The following THBD variants were observed in gnomAD, a reference collection of about 807,000 sequenced individuals.
THBD encodes thrombomodulin.
For missense variants in THBD, 850 were observed against 816.9 expected, an observed-to-expected ratio of 1.04 and a Z score of -0.49; for synonymous variants, 449 against 374.2, an observed-to-expected ratio of 1.20 and a Z score of -2.31.
At position 23,048,694 on chromosome 20, in the gene THBD, C is replaced by T. The variant is rs1198926505; in HGVS notation, c.811G>A (p.Ala271Thr). ...GAGCGCCCGTCTGCCTGCAGGGCGG[C>T]GCCGGCTGGGCACTGGCAGCGGGGA... is the stretch of plus-strand genomic sequence containing the variant. ...GAPRCQCPAGAALQADGRSCT... is the reference protein window; with the variant it reads ...GAPRCQCPAGTALQADGRSCT... Residue 271 changes from alanine to threonine, a missense_variant, in exon 1 of 1, where the codon GCC (alanine) becomes ACC (threonine). Physicochemically the swap from Ala to Thr is moderately conservative, Grantham distance 58 (BLOSUM62 0). Transcript: ENST00000377103. 4 of 1,584,656 alleles carry T rather than the reference C, an allele frequency of 2.5e-6. No homozygotes were observed. Among genetic ancestry groups the T allele is most frequent in the South Asian group, 1.1e-5 (1 of 89,404 alleles).
Position 23,048,435 on chromosome 20 carries a change from A to G in THBD, c.1070T>C (p.Leu357Pro), listed in dbSNP as rs1450464240. The G allele has an allele frequency of 6.2e-7, 1 of 1,613,824 alleles. No homozygotes were observed. The highest frequency in any genetic ancestry group is 1.1e-5 in the South Asian group (1 of 91,076). Residue 357 changes from leucine to proline, a missense_variant, in exon 1 of 1, where the codon CTG (leucine) becomes CCG (proline). Leu to Pro is a moderately conservative substitution (Grantham distance 98). Coordinates refer to ENST00000377103, the MANE Select transcript of THBD (RefSeq NM_000361.3). ...GGGCTCCACACACTCGCCGTCCACCAGGTCGTAGTTAGGGTAGCAGTGGCA... is the reference window on the plus strand; with the variant it reads ...GGGCTCCACACACTCGCCGTCCACCGGGTCGTAGTTAGGGTAGCAGTGGCA... ...FECHCYPNYD[L>P]VDGECVEPVD...
In THBD at chr20:23,047,739, G is replaced by GA; in HGVS notation, c.*37_*38insT. ...GCAAAGCTGGGGGTGAGGAGGCACAGGCTCCTGGACGGAGCCAGGCTCCTG... is the reference window on the plus strand; with the variant it reads ...GCAAAGCTGGGGGTGAGGAGGCACAGAGCTCCTGGACGGAGCCAGGCTCCTG... On this transcript the variant is annotated 3_prime_UTR_variant, in exon 1 of 1. Coordinates refer to ENST00000377103, the MANE Select transcript of THBD (RefSeq NM_000361.3). 6.5e-7 allele frequency: 1 copy of GA among 1,530,236 alleles called. No homozygotes were observed. Among genetic ancestry groups the GA allele is most frequent in the Non-Finnish European group, 8.8e-7 (1 of 1,136,202 alleles). The allele number at this position is 1,530,236 out of a possible 1,614,324, so 94.8% of individuals were successfully genotyped here.
rs755933476 is a variant in THBD at position 23,048,371 on chromosome 20, G to A, written c.1134C>T (p.Cys378=). The part of the protein sequence containing the change: ...PCFRANCEYQ[C]QPLNQTSYLC... The stretch of plus-strand genomic sequence containing the variant: ...GGTAGCTAGTTTGGTTCAGGGGCTG[G>A]CACTGGTACTCGCAGTTGGCTCTGA... The change falls in exon 1 of 1, where the codon TGC becomes TGT. Residue 378 remains cysteine (C), a synonymous_variant. Transcript: ENST00000377103. 10 of 1,613,874 alleles carry A rather than the reference G, an allele frequency of 6.2e-6. No homozygotes were observed. The highest frequency in any genetic ancestry group is 1.6e-4 in the Middle Eastern group (1 of 6,084).
rs755593080 is a variant in THBD, at chr20:23,047,808, A to C, written c.1697T>G (p.Val566Gly). Reference sequence around the variant, plus strand: ...TCTCTGCGGCGTCCGCTCGGTCCGCACGTGCTGCAGCACTACCTCCTTGGA... The same window carrying C: ...TCTCTGCGGCGTCCGCTCGGTCCGCCCGTGCTGCAGCACTACCTCCTTGGA... ...APSKEVVLQH[V>G]RTERTPQRL Residue 566 changes from valine to glycine, a missense_variant, in exon 1 of 1, where the codon GTG (valine) becomes GGG (glycine). Val to Gly is a moderately radical substitution (Grantham distance 109, BLOSUM62 -3). Coordinates refer to ENST00000377103, the MANE Select transcript of THBD (RefSeq NM_000361.3). 3.8e-6 allele frequency: 6 copies of C among 1,596,568 alleles called. No individual in the cohort carries two copies. The Admixed American group carries it at 6.9e-5, about 18-fold the overall frequency.
rs554351262 is a variant in THBD, at chr20:23,049,427, A to T, written c.78T>A (p.Gly26=). ...GFPAPAEPQP[G]GSQCVEHDCF... is the part of the protein sequence containing the mutation. ...AGTCGTGCTCGACGCACTGGCTGCC[A>T]CCCGGCTGCGGCTCTGCGGGTGCGG... The change falls in exon 1 of 1, where the codon GGT becomes GGA. Residue 26 remains glycine (G), a synonymous_variant. Coordinates refer to ENST00000377103, the MANE Select transcript of THBD (RefSeq NM_000361.3). 2 of 1,568,970 alleles carry T rather than the reference A, an allele frequency of 1.3e-6. No homozygotes were observed. The highest frequency in any genetic ancestry group is 1.7e-4 in the Middle Eastern group (1 of 5,998).
rs1984691617 is a variant in THBD at position 23,049,591 on chromosome 20, G to A, written c.-87C>T. On this transcript the variant is annotated 5_prime_UTR_variant, in exon 1 of 1. Transcript: ENST00000377103. ...CCGGAGCAGAGGGGCACAGGACGCC[G>A]ATGGCGACAGCCTCTCCTGTCCGTC... is the stretch of plus-strand genomic sequence containing the variant. 7 of 1,499,970 alleles carry A rather than the reference G, an allele frequency of 4.7e-6. No individual in the cohort carries two copies. Among genetic ancestry groups the A allele is most frequent in the Admixed American group, 2.0e-5 (1 of 50,708 alleles). The allele number at this position is 1,499,970 out of a possible 1,614,324, so 92.9% of individuals were successfully genotyped here.
At position 23,048,748 on chromosome 20, in the gene THBD, C is replaced by T. The variant is rs2122671304; in HGVS notation, c.757G>A (p.Glu253Lys). ...CCAGGGATCGCATTGCACGCGTGCT[C>T]GCAGCCGCCGTTCTCCACGCTGCAG... is the stretch of plus-strand genomic sequence containing the variant. Reference protein sequence around the residue: ...WDCSVENGGCEHACNAIPGAP... With the variant: ...WDCSVENGGCKHACNAIPGAP... The change falls in exon 1 of 1, where the codon GAG (glutamate) becomes AAG (lysine). Residue 253 changes from glutamate (E) to lysine (K), a missense_variant. By Grantham distance (56) the Glu-to-Lys change is moderately conservative (BLOSUM62 1). Transcript: ENST00000377103. The T allele has an allele frequency of 6.4e-7, 1 of 1,562,022 alleles. No homozygotes were observed. Among genetic ancestry groups the T allele is most frequent in the Non-Finnish European group, 8.6e-7 (1 of 1,162,352 alleles).
In THBD at chr20:23,049,652, C is replaced by T; in HGVS notation, c.-148G>A. ...CACTTCTTGCCGCTGCGCGCAGCCCCTGCGAGGCAGCCTCTGACATGCGGA... is the reference window on the plus strand; with the variant it reads ...CACTTCTTGCCGCTGCGCGCAGCCCTTGCGAGGCAGCCTCTGACATGCGGA... On this transcript the variant is annotated 5_prime_UTR_variant, in exon 1 of 1. Coordinates refer to ENST00000377103, the MANE Select transcript of THBD (RefSeq NM_000361.3). The T allele has an allele frequency of 3.6e-6, 4 of 1,111,274 alleles. No homozygotes were observed. The highest frequency in any genetic ancestry group is 5.3e-6 in the Non-Finnish European group (4 of 757,064). 68.8% of individuals were successfully genotyped at this position (1,111,274 alleles called of 1,614,324 possible). A position where few individuals can be genotyped will look rare whatever the true frequency, so the allele number is the denominator to read the frequency against.
At position 23,048,842 on chromosome 20, in the gene THBD, C is replaced by T; in HGVS notation, c.663G>A (p.Gln221=). ...CTCCGGGCGGCGCGGTGCACATTAG[C>T]TGTAAGCCGAGGGGAGCCACCGCGG... ...SSAAVAPLGL[Q]LMCTAPPGAV... The change falls in exon 1 of 1, where the codon CAG becomes CAA. Residue 221 remains glutamine (Q), a synonymous_variant. Transcript: ENST00000377103. 1.3e-6 allele frequency: 2 copies of T among 1,509,794 alleles called. No homozygotes were observed. The highest frequency in any genetic ancestry group is 2.4e-5 in the South Asian group (2 of 81,718). The allele number at this position is 1,509,794 out of a possible 1,614,324, so 93.5% of individuals were successfully genotyped here. A position where few individuals can be genotyped will look rare whatever the true frequency, so the allele number is the denominator to read the frequency against.
chr20:23,049,334 G>T lies in THBD; in HGVS notation c.171C>A (p.Gly57=), dbSNP rs201268201. 5.5e-5 allele frequency: 88 copies of T among 1,604,476 alleles called. No individual in the cohort carries two copies. The African/African-American group carries it at 1.1e-3, about 21-fold the overall frequency. ...NASQICDGLR[G]HLMTVRSSVA... is the part of the protein sequence containing the mutation. ...CCGAGGAGCGCACTGTCATTAGGTG[G>T]CCCCGCAGTCCGTCGCAGATCTGAC... Residue 57 remains glycine (G), a synonymous_variant, in exon 1 of 1, where the codon GGC becomes GGA. Transcript: ENST00000377103.
chr20:23,049,077 G>T lies in THBD; in HGVS notation c.428C>A (p.Ala143Asp). The change falls in exon 1 of 1, where the codon GCT (alanine) becomes GAT (aspartate). Residue 143 changes from alanine to aspartate, a missense_variant. Coordinates refer to ENST00000377103, the MANE Select transcript of THBD (RefSeq NM_000361.3). Reference sequence around the variant, plus strand: ...CGGCTCGCTGGGCACAGTGGCCTCAGCAGCGGAGACAGCGACGCACAACGG... The same window carrying T: ...CGGCTCGCTGGGCACAGTGGCCTCATCAGCGGAGACAGCGACGCACAACGG... ...CGPLCVAVSAAEATVPSEPIW... is the reference protein window; with the variant it reads ...CGPLCVAVSADEATVPSEPIW... 1 of 1,577,440 alleles carries T rather than the reference G, an allele frequency of 6.3e-7. No homozygotes were observed. Among genetic ancestry groups the T allele is most frequent in the Non-Finnish European group, 8.6e-7 (1 of 1,164,086 alleles).
Position 23,049,235 on chromosome 20 carries a change from C to T in THBD, c.270G>A (p.Leu90=). 6.4e-7 allele frequency: 1 copy of T among 1,553,152 alleles called. No individual in the cohort carries two copies. Among genetic ancestry groups the T allele is most frequent in the Non-Finnish European group, 8.7e-7 (1 of 1,149,208 alleles). The change falls in exon 1 of 1, where the codon CTG becomes CTA. Residue 90 remains leucine, a synonymous_variant. Transcript: ENST00000377103. ...GGTCGCCGCAGCCGGGTGGCAGCTG[C>T]AGGCCGATCCAGAGGCGCCGGCGGC... ...GVGRRRLWIG[L]QLPPGCGDPK...
At position 23,046,465 on chromosome 20, in the gene THBD, G is replaced by A. The variant is rs1374444074; in HGVS notation, c.*1312C>T. On this transcript the variant is annotated 3_prime_UTR_variant, in exon 1 of 1. Coordinates refer to ENST00000377103, the MANE Select transcript of THBD (RefSeq NM_000361.3). ...TATAGATTCTCATGAACTGGATGGG[G>A]TGGAGCCTAGGATTCTGCATTTCTA... 2.6e-5 allele frequency: 4 copies of A among 152,232 alleles called. No individual in the cohort carries two copies. Among genetic ancestry groups the A allele is most frequent in the African/African-American group, 7.2e-5 (3 of 41,458 alleles). 9.4% of individuals were successfully genotyped at this position (152,232 alleles called of 1,614,324 possible).
At position 23,049,341 on chromosome 20, in the gene THBD, A is replaced by C; in HGVS notation, c.164T>G (p.Leu55Arg). ...FLNASQICDG[L>R]RGHLMTVRSS... ...GCGCACTGTCATTAGGTGGCCCCGC[A>C]GTCCGTCGCAGATCTGACTGGCATT... The change falls in exon 1 of 1, where the codon CTG (leucine) becomes CGG (arginine). Residue 55 changes from leucine (L) to arginine (R), a missense_variant. Physicochemically the swap from Leu to Arg is moderately radical, Grantham distance 102. Coordinates refer to ENST00000377103, the MANE Select transcript of THBD (RefSeq NM_000361.3). 1 of 1,597,108 alleles carries C rather than the reference A, an allele frequency of 6.3e-7. No homozygotes were observed. The highest frequency in any genetic ancestry group is 8.5e-7 in the Non-Finnish European group (1 of 1,172,394).
chr20:23,048,191 G>T lies in THBD; in HGVS notation c.1314C>A (p.Ile438=). The change falls in exon 1 of 1, where the codon ATC becomes ATA. Residue 438 remains isoleucine (I), a synonymous_variant. Transcript: ENST00000377103. ...PEGYILDDGF[I]CTDIDECENG... The stretch of plus-strand genomic sequence containing the variant: ...TTTCGCACTCGTCGATGTCCGTGCA[G>T]ATGAAACCGTCGTCCAGGATGTAGC... 6.2e-7 allele frequency: 1 copy of T among 1,614,076 alleles called. No individual in the cohort carries two copies. The highest frequency in any genetic ancestry group is 8.5e-7 in the Non-Finnish European group (1 of 1,180,050).
Position 23,049,209 on chromosome 20 carries a change from G to T in THBD, c.296C>A (p.Pro99His). Residue 99 changes from proline (P) to histidine (H), a missense_variant, in exon 1 of 1, where the codon CCC (proline) becomes CAC (histidine). By Grantham distance (77) the Pro-to-His change is moderately conservative (BLOSUM62 -2). Coordinates refer to ENST00000377103, the MANE Select transcript of THBD (RefSeq NM_000361.3). ...GLQLPPGCGD[P>H]KRLGPLRGFQ... is the part of the protein sequence containing the mutation. Reference sequence around the variant, plus strand: ...GCCGCGCAGGGGCCCGAGGCGCTTGGGGTCGCCGCAGCCGGGTGGCAGCTG... The same window carrying T: ...GCCGCGCAGGGGCCCGAGGCGCTTGTGGTCGCCGCAGCCGGGTGGCAGCTG... The T allele has an allele frequency of 6.4e-7, 1 of 1,559,960 alleles. No homozygotes were observed. The highest frequency in any genetic ancestry group is 2.4e-5 in the East Asian group (1 of 42,272).
rs1388444914 is a variant in THBD, at chr20:23,047,813, C to T, written c.1692G>A (p.Gln564=). 1 of 1,597,890 alleles carries T rather than the reference C, an allele frequency of 6.3e-7. No individual in the cohort carries two copies. Among genetic ancestry groups the T allele is most frequent in the South Asian group, 1.1e-5 (1 of 88,542 alleles). ...GCGGCGTCCGCTCGGTCCGCACGTG[C>T]TGCAGCACTACCTCCTTGGAAGGGG... The part of the protein sequence containing the change: ...CAAPSKEVVL[Q]HVRTERTPQR... Residue 564 remains glutamine, a synonymous_variant, in exon 1 of 1, where the codon CAG becomes CAA. Transcript: ENST00000377103.
rs1469286596 is a variant in THBD, at chr20:23,049,379, G to C, written c.126C>G (p.Pro42=). 6.2e-7 allele frequency: 1 copy of C among 1,602,096 alleles called. No individual in the cohort carries two copies. Among genetic ancestry groups the C allele is most frequent in the Non-Finnish European group, 8.5e-7 (1 of 1,175,470 alleles). ...EHDCFALYPG[P]ATFLNASQIC... is the part of the protein sequence containing the mutation. ...TCTGACTGGCATTGAGGAAGGTCGC[G>C]GGGCCCGGGTAGAGCGCGAAGCAGT... Residue 42 remains proline (P), a synonymous_variant, in exon 1 of 1, where the codon CCC becomes CCG. Coordinates refer to ENST00000377103, the MANE Select transcript of THBD (RefSeq NM_000361.3).
rs1213199442 is a variant in THBD, at chr20:23,047,939, G to A, written c.1566C>T (p.Ser522=). 11 of 1,609,916 alleles carry A rather than the reference G, an allele frequency of 6.8e-6. No homozygotes were observed. Among genetic ancestry groups the A allele is most frequent in the Non-Finnish European group, 9.3e-6 (11 of 1,178,562 alleles). The change falls in exon 1 of 1, where the codon TCC becomes TCT. Residue 522 remains serine, a synonymous_variant. Coordinates refer to ENST00000377103, the MANE Select transcript of THBD (RefSeq NM_000361.3). ...CCACCACCAGGCACAGGCTCGCGAT[G>A]GAGATGCCTATGAGCAAGCCCGAAT... ...LVHSGLLIGI[S]IASLCLVVAL...
Sources: allele counts gnomAD v4.1 joint callset, GRCh38; gene constraint gnomAD v4.1.1; transcripts MANE v1.5; gene names NCBI Gene and HGNC (gene_info 2026-07-23, HGNC 2026-07-21).